The following CPS1 variants were observed in gnomAD, a reference collection of about 807,000 sequenced individuals.
The protein encoded by CPS1 is carbamoyl-phosphate synthase 1.
CPS1 carries 109 observed loss-of-function variants against 174.6 expected under a neutral mutation model. That is an observed-to-expected ratio of 0.62 (90% CI 0.53 to 0.73). The LOEUF (loss-of-function observed/expected upper bound fraction) is 0.73, where lower values mean the gene tolerates loss of function less well. Among genes scored for constraint, CPS1 ranks in the 30% least tolerant of loss-of-function variants. The pLI is 0.00. For synonymous variants in CPS1, 637 were observed against 632.0 expected (o/e 1.01, Z -0.12); for missense variants, 1,689 against 1,821.9 (o/e 0.93, Z 1.33).
intron 1 of CPS1, among the ~76,000 whole-genome samples, chr2:210,501,256 G>A (rs190793501): frequency 1.5e-4 from 23 of 152,222 alleles, no homozygotes; most frequent in Admixed American, 3.9e-4. Context: ...ATACCCTGGG[G>A]ACATTTTCCC....
At chr2:210,628,782 A>G (rs1412365421) in intron 21 of CPS1, among the ~76,000 whole-genome samples, 1 of 152,048 alleles carries the variant, frequency 6.6e-6, no homozygotes, top group Non-Finnish European at 1.5e-5. Flanking sequence ...CCTGGGCAAC[A>G]GAGTGAGACT....
rs1695561225 is a variant in CPS1, at chr2:210,512,995, TATGG to T, written c.3+35231_3+35234del. On this transcript the variant is annotated intron_variant, in intron 1 of 38. Coordinates refer to the CPS1 transcript ENST00000430249. The stretch of plus-strand genomic sequence containing the variant: ...ATATATATATATGGAGAGATATATA[TATGG>T]AGATATATATATATCTATATATCTA... 4.5e-4 allele frequency among the ~76,000 whole-genome samples: 12 copies of T among 26,782 alleles called. 4 individuals carry two copies. The highest frequency in any genetic ancestry group is 4.1e-3 in the South Asian group (2 of 486). The allele number at this position is 26,782 out of a possible 152,430, so 17.6% of individuals were successfully genotyped here. A position where few individuals can be genotyped will look rare whatever the true frequency, so the allele number is the denominator to read the frequency against.
chr2:210,639,127 A>G (rs1323083350), intron 22 of CPS1, 23 bp from the exon 23 acceptor site: 2 of 1,588,020 alleles, frequency 1.3e-6, no homozygotes, highest in South Asian at 2.2e-5. Flanking sequence ...TTATTTGTTT[A>G]TTTTATTTGT....
chr2:210,564,674 C>T (rs1351564303), intron 1 of CPS1, among the ~76,000 whole-genome samples: 1 of 151,878 alleles, frequency 6.6e-6, no homozygotes, highest in East Asian at 1.9e-4. Context: ...CCGCGCCCGG[C>T]CTAGAATGCT....
chr2:210,602,371 A>T, intron 16 of CPS1, 41 bp downstream of exon 16: 1 of 1,611,554 alleles, frequency 6.2e-7, no homozygotes. Flanking sequence ...AACCAAAAAA[A>T]CTGGCTTGAT....
intron 1 of CPS1, among the ~76,000 whole-genome samples, chr2:210,530,490 A>C (rs1387466884): frequency 6.6e-6 from 1 of 152,130 alleles, no homozygotes; most frequent in African/African-American, 2.4e-5. Flanking sequence ...AGAGAGATTT[A>C]CATAAGATTC....
intron 1 of CPS1, among the ~76,000 whole-genome samples, chr2:210,520,492 T>G (rs1047246902): frequency 3.3e-5 from 5 of 152,040 alleles, no homozygotes; most frequent in African/African-American, 9.7e-5. Flanking sequence ...GGCCCCAGTG[T>G]GTGATGTTCC....
chr2:210,577,293 T>A, intron 3 of CPS1, 128 bp from the exon 4 acceptor site: 1 of 760,604 alleles, frequency 1.3e-6, no homozygotes, highest in Non-Finnish European at 2.3e-6. Flanking sequence ...TTTTTGCCTC[T>A]TGTTTTTAAA....
In CPS1 at chr2:210,595,484, T is replaced by A; in HGVS notation, c.1264-3T>A. 1 of 1,603,796 alleles carries A rather than the reference T, an allele frequency of 6.2e-7. No individual in the cohort carries two copies. Among genetic ancestry groups the A allele is most frequent in the East Asian group, 2.2e-5 (1 of 44,674 alleles). On this transcript the variant is annotated splice_polypyrimidine_tract_variant and splice_region_variant and intron_variant, in intron 12 of 37. Coordinates refer to ENST00000233072, the MANE Select transcript of CPS1 (RefSeq NM_001875.5). ...AACAGTGTCTTTTTCTTATTGCTTA[T>A]AGGTTTCCAAAGTCCTTATTCTAGG...
chr2:210,509,605 A>G (rs531277967), intron 1 of CPS1, among the ~76,000 whole-genome samples: 52 of 152,218 alleles, frequency 3.4e-4, no homozygotes, highest in Non-Finnish European at 5.9e-4. Context: ...CTGTTTGCAG[A>G]TGATGTGATA....
At chr2:210,480,791 G>T (rs1694547854) in intron 1 of CPS1, among the ~76,000 whole-genome samples, 1 of 152,110 alleles carries the variant, frequency 6.6e-6, no homozygotes, top group South Asian at 2.1e-4. Context: ...GCTCAAAGAA[G>T]TGTAAAGCAA....
At chr2:210,677,769 C>T in intron 37 of CPS1, 118 bp from the exon 38 acceptor site, 3 of 846,120 alleles carry the variant, frequency 3.5e-6, no homozygotes, top group Non-Finnish European at 6.2e-6. Context: ...AACTTTTATG[C>T]CTTTTATCCC....
rs769692031 is a variant in CPS1, at chr2:210,677,964, C to A, written c.4482C>A (p.Tyr1494Ter). ...DSKSLFHYRQ[Y>*]SAGKAA ...AGAGTCTTTTCCACTACAGGCAGTACAGTGCTGGAAAAGCAGCATAGAGAT... is the reference window on the plus strand; with the variant it reads ...AGAGTCTTTTCCACTACAGGCAGTAAAGTGCTGGAAAAGCAGCATAGAGAT... Residue 1494 changes from tyrosine (Y) to a stop codon, truncating the protein, a stop_gained, in exon 38 of 38, where the codon TAC becomes TAA. Transcript: ENST00000233072. LOFTEE classifies it high-confidence loss of function. The A allele has an allele frequency of 1.9e-6, 3 of 1,613,768 alleles. No homozygotes were observed. Among genetic ancestry groups the A allele is most frequent in the Non-Finnish European group, 1.7e-6 (2 of 1,179,658 alleles).
intron 13 of CPS1, among the ~76,000 whole-genome samples, chr2:210,595,934 T>A (rs1698467598): frequency 6.6e-6 from 1 of 151,938 alleles, no homozygotes; most frequent in Non-Finnish European, 1.5e-5. Flanking sequence ...ATTTTGGGCA[T>A]CTTTGGTGCT....
intron 1 of CPS1, among the ~76,000 whole-genome samples, chr2:210,483,943 A>G (rs1297103745): frequency 6.6e-6 from 1 of 152,106 alleles, no homozygotes; most frequent in Non-Finnish European, 1.5e-5. Context: ...TATTCTTCAG[A>G]TGGGTGTTGC....
At chr2:210,578,682 T>A (rs1697794584) in intron 4 of CPS1, among the ~76,000 whole-genome samples, 1 of 152,162 alleles carries the variant, frequency 6.6e-6, no homozygotes, top group Admixed American at 6.6e-5. Flanking sequence ...TCTTTCTAAA[T>A]TTTAAAAGGG....
At chr2:210,670,555 G>A (rs912873498) in intron 34 of CPS1, among the ~76,000 whole-genome samples, 3 of 152,102 alleles carry the variant, frequency 2.0e-5, no homozygotes, top group Middle Eastern at 3.4e-3. Flanking sequence ...TTTATTTAAC[G>A]TGATCCTACT....
At chr2:210,590,068 A>G (rs1388346509) in intron 7 of CPS1, 38 bp from the exon 8 acceptor site, 28 of 1,611,886 alleles carry the variant, frequency 1.7e-5, no homozygotes, top group Middle Eastern at 1.7e-4. Flanking sequence ...GCAAAGAAAC[A>G]TGTTATTAAA....
intron 1 of CPS1, among the ~76,000 whole-genome samples, chr2:210,510,406 A>G (rs1235139997): frequency 6.6e-6 from 1 of 152,194 alleles, no homozygotes; most frequent in Non-Finnish European, 1.5e-5. Flanking sequence ...TAAATGTTAG[A>G]CCTAAAACCA....
Sources: allele counts gnomAD v4.1 joint callset (sites outside exome capture counted in the v4.1 genomes callset), GRCh38; gene constraint gnomAD v4.1.1; transcripts MANE v1.5; gene names NCBI Gene and HGNC (gene_info 2026-07-23, HGNC 2026-07-21).